Variants in FAM83B observed in about 807,000 individuals in gnomAD.
FAM83B encodes protein FAM83B.
FAM83B carries 26 observed loss-of-function variants against 38.8 expected under a neutral mutation model. The observed-to-expected ratio is 0.67, with a 90% CI of 0.49 to 0.93. The LOEUF (loss-of-function observed/expected upper bound fraction) is 0.93, where lower values mean the gene tolerates loss of function less well. Ranked by LOEUF, FAM83B falls within the 40% of genes least tolerant of loss-of-function variation. The pLI is 0.00. For missense variants in FAM83B, 1,237 were observed against 1,197.3 expected (o/e 1.03, Z -0.49); for synonymous variants, 419 against 423.1 (o/e 0.99, Z 0.12).
chr6:54,852,335 A>G (rs1238590658), intron 1 of FAM83B, among the ~76,000 whole-genome samples: 1 of 152,194 alleles, frequency 6.6e-6, no homozygotes, highest in Admixed American at 6.5e-5. Context: ...TAATTCTCAC[A>G]ATATTTCAAA....
chr6:54,924,593 CA>C, intron 2 of FAM83B, among the ~76,000 whole-genome samples: 1 of 151,844 alleles, frequency 6.6e-6, no homozygotes, highest in Non-Finnish European at 1.5e-5. Flanking sequence ...TTCAGTATTC[CA>C]CCTGCCCTGT....
intron 2 of FAM83B, among the ~76,000 whole-genome samples, chr6:54,879,450 C>T (rs1772074280): frequency 6.6e-6 from 1 of 152,096 alleles, no homozygotes; most frequent in African/African-American, 2.4e-5. Context: ...TTCGCAATTC[C>T]TTTATGCTGG....
At chr6:54,936,107 A>G (rs1243643912) in intron 4 of FAM83B, among the ~76,000 whole-genome samples, 1 of 152,144 alleles carries the variant, frequency 6.6e-6, no homozygotes, top group Non-Finnish European at 1.5e-5. Context: ...ACCTACGATA[A>G]TAGAGGAATA....
intron 4 of FAM83B, among the ~76,000 whole-genome samples, chr6:54,931,426 C>T (rs1773417548): frequency 1.3e-5 from 2 of 152,034 alleles, no homozygotes; most frequent in South Asian, 2.1e-4. Flanking sequence ...TTTTCCCTTT[C>T]AATTCTGTTA....
At chr6:54,903,116 G>A (rs1483941294) in intron 2 of FAM83B, among the ~76,000 whole-genome samples, 1 of 151,916 alleles carries the variant, frequency 6.6e-6, no homozygotes, top group Admixed American at 6.6e-5. Context: ...TTCAATAAGT[G>A]GGTTTATTTC....
intron 2 of FAM83B, among the ~76,000 whole-genome samples, chr6:54,893,209 T>C (rs1410338743): frequency 2.0e-5 from 3 of 152,204 alleles, no homozygotes; most frequent in African/African-American, 7.2e-5. Flanking sequence ...AGCCACTAAA[T>C]GTTGGGAACA....
At chr6:54,907,632 T>C (rs1772803989) in intron 2 of FAM83B, among the ~76,000 whole-genome samples, 1 of 148,984 alleles carries the variant, frequency 6.7e-6, no homozygotes, top group Admixed American at 6.7e-5. Context: ...TATGAAGATT[T>C]TTTTTTAAAA....
chr6:54,897,152 C>CACAACAAACCTGGGG (rs2127581508), intron 2 of FAM83B, among the ~76,000 whole-genome samples: 1 of 151,704 alleles, frequency 6.6e-6, no homozygotes, highest in African/African-American at 2.4e-5. Context: ...AGGCCACTCT[C>CACAACAAACCTGGGG]ACAACAAACC....
intron 2 of FAM83B, among the ~76,000 whole-genome samples, chr6:54,905,290 C>A (rs1772753198): frequency 6.6e-6 from 1 of 152,058 alleles, no homozygotes; most frequent in African/African-American, 2.4e-5. Context: ...CCTCAGGAAG[C>A]CAGTTATCTC....
intron 4 of FAM83B, among the ~76,000 whole-genome samples, chr6:54,933,009 G>A (rs939941884): frequency 3.3e-5 from 5 of 152,062 alleles, no homozygotes; most frequent in African/African-American, 1.2e-4. Flanking sequence ...GACTTGGGAA[G>A]TTTTTGTCCA....
At chr6:54,868,946 C>A (rs2127574832) in intron 1 of FAM83B, among the ~76,000 whole-genome samples, 1 of 152,266 alleles carries the variant, frequency 6.6e-6, no homozygotes, top group East Asian at 1.9e-4. Context: ...TCCAAGTTAT[C>A]TTTTTAATGC....
intron 2 of FAM83B, among the ~76,000 whole-genome samples, chr6:54,911,238 T>C (rs1382291428): frequency 6.6e-6 from 1 of 151,868 alleles, no homozygotes; most frequent in Non-Finnish European, 1.5e-5. Context: ...TTCTTTGTTT[T>C]TTGATACAGA....
rs542320972 is a variant in FAM83B, at chr6:54,936,553, A to G, written c.735-3153A>G. On this transcript the variant is annotated intron_variant, in intron 4 of 4. Transcript: ENST00000306858. ...TTGGAAACAAATTCTACATAATCGA[A>G]CTTTCTGTTTTGTTTTCAAGATTTT... 7.6e-4 allele frequency among the ~76,000 whole-genome samples: 116 copies of G among 151,996 alleles called. 1 individual carries two copies. The highest frequency in any genetic ancestry group is 2.6e-3 in the African/African-American group (107 of 41,496).
chr6:54,907,456 T>TA (rs1361785219), intron 2 of FAM83B, among the ~76,000 whole-genome samples: 1 of 152,130 alleles, frequency 6.6e-6, no homozygotes, highest in Non-Finnish European at 1.5e-5. Flanking sequence ...CTCAGAAACC[T>TA]AGCACTGCAT....
chr6:54,875,884 A>G (rs1380516349), intron 2 of FAM83B, among the ~76,000 whole-genome samples: 3 of 152,048 alleles, frequency 2.0e-5, no homozygotes, highest in Non-Finnish European at 4.4e-5. Context: ...TCTTTAACAA[A>G]CTCGTGGTGC....
intron 2 of FAM83B, among the ~76,000 whole-genome samples, chr6:54,897,557 G>T (rs1035605485): frequency 1.3e-5 from 2 of 151,976 alleles, no homozygotes; most frequent in African/African-American, 4.8e-5. Context: ...GCAAAACAAC[G>T]TAGAAACCTG....
chr6:54,890,564 T>C (rs1220838715), intron 2 of FAM83B, among the ~76,000 whole-genome samples: 30 of 152,080 alleles, frequency 2.0e-4, no homozygotes, highest in Admixed American at 1.9e-3. Flanking sequence ...AACATAATAG[T>C]ACAGGAAATG....
chr6:54,905,702 G>C (rs1772762934), intron 2 of FAM83B, among the ~76,000 whole-genome samples: 1 of 151,952 alleles, frequency 6.6e-6, no homozygotes, highest in Non-Finnish European at 1.5e-5. Context: ...ACTTAGTAAA[G>C]GCTAAAACTT....
rs1011046753 is a variant in FAM83B at position 54,926,154 on chromosome 6, T to C, written c.445-217T>C. Among the ~76,000 whole-genome samples the C allele has an allele frequency of 3.3e-5, 5 of 152,244 alleles. No homozygotes were observed. The South Asian group carries it at 6.2e-4, about 19-fold the overall frequency. ...CAGATTTCCTTTAAATTAAAGCTAA[T>C]ATGAAAATGACTTAGTGTACAAATC... On this transcript the variant is annotated intron_variant, in intron 2 of 4. Coordinates refer to ENST00000306858, the MANE Select transcript of FAM83B (RefSeq NM_001010872.3).
Sources: gnomAD v4.1 joint callset for allele counts (sites outside exome capture counted in the v4.1 genomes callset) on GRCh38, gnomAD v4.1.1 for gene constraint, MANE v1.5 for transcripts, NCBI Gene and HGNC (gene_info 2026-07-23, HGNC 2026-07-21) for gene names.